CYLC2: variants seen among roughly 807,000 people sequenced by gnomAD.
CYLC2 encodes cylicin 2, also known as cylicin-2.
A neutral mutation model predicts 26.1 loss-of-function variants in CYLC2; 30 were observed. The observed-to-expected ratio is 1.15, with a 90% CI of 0.86 to 1.56. The LOEUF is 1.56. CYLC2 is among the 40% of genes most tolerant of loss of function. The pLI, the probability that CYLC2 is intolerant of heterozygous loss-of-function variation, is 0.00. For synonymous variants in CYLC2, 158 were observed against 132.8 expected (o/e 1.19, Z -1.31); for missense variants, 498 against 394.4 (o/e 1.26, Z -2.23).
rs1214771500 is a variant in CYLC2, at chr9:103,005,901, T to G, written c.*223T>G. 1 of 505,344 alleles carries G rather than the reference T, an allele frequency of 2.0e-6. No homozygotes were observed. The highest frequency in any genetic ancestry group is 3.1e-5 in the East Asian group (1 of 32,406). The allele number at this position is 505,344 out of a possible 1,614,324, so 31.3% of individuals were successfully genotyped here. On this transcript the variant is annotated 3_prime_UTR_variant, in exon 5 of 8. Transcript: ENST00000374798. ...TTAAGGGGGGATCCATTGAAAGACTTGAAGAATACATATACTTATATTCGG... is the reference window on the plus strand; with the variant it reads ...TTAAGGGGGGATCCATTGAAAGACTGGAAGAATACATATACTTATATTCGG...
In CYLC2 at chr9:103,005,782, A is replaced by C. The variant is rs1564098230; in HGVS notation, c.*104A>C. On this transcript the variant is annotated 3_prime_UTR_variant, in exon 5 of 8. Coordinates refer to ENST00000374798, the MANE Select transcript of CYLC2 (RefSeq NM_001340.5). ...TTTGTGAGAAAACAAGAGGCCTCAA[A>C]GAATTAAATAATTTTTAAAAGGTGG... 6 of 1,229,626 alleles carry C rather than the reference A, an allele frequency of 4.9e-6. No individual in the cohort carries two copies. The Admixed American group carries it at 1.4e-4, about 28-fold the overall frequency. 76.2% of individuals were successfully genotyped at this position (1,229,626 alleles called of 1,614,324 possible). A position where few individuals can be genotyped will look rare whatever the true frequency, so the allele number is the denominator to read the frequency against.
chr9:103,013,487 C>T (rs10990435), intron 6 of CYLC2, among the ~76,000 whole-genome samples: 91,946 of 107,460 alleles, frequency 0.86, 39,461 homozygotes, highest in East Asian at 1. Context: ...ATATATTTAA[C>T]ATATTACATA....
chr9:103,002,924 A>G (rs1829302782), intron 2 of CYLC2, among the ~76,000 whole-genome samples: 1 of 152,194 alleles, frequency 6.6e-6, no homozygotes, highest in Non-Finnish European at 1.5e-5. Context: ...TGCAATGACT[A>G]CTTTATACAG....
intron 1 of CYLC2, among the ~76,000 whole-genome samples, chr9:103,000,448 G>C (rs1489018219): frequency 2.0e-5 from 3 of 151,888 alleles, no homozygotes; most frequent in African/African-American, 7.2e-5. Flanking sequence ...TCATTGTTGG[G>C]TATCAACATT....
Position 103,005,527 on chromosome 9 carries a change from A to T in CYLC2, c.896A>T (p.Asp299Val), listed in dbSNP as rs767233678. 6.2e-7 allele frequency: 1 copy of T among 1,611,792 alleles called. No homozygotes were observed. Among genetic ancestry groups the T allele is most frequent in the South Asian group, 1.1e-5 (1 of 90,878 alleles). Reference sequence around the variant, plus strand: ...GAGTCTAAGAAGGACGCCACGAAAGATGCCAAGAAAGTTGCCAAGAAAGAT... The same window carrying T: ...GAGTCTAAGAAGGACGCCACGAAAGTTGCCAAGAAAGTTGCCAAGAAAGAT... ...KKESKKDATKDAKKVAKKDTE... is the reference protein window; with the variant it reads ...KKESKKDATKVAKKVAKKDTE... Residue 299 changes from aspartate to valine, a missense_variant, in exon 5 of 8, where the codon GAT becomes GTT. Transcript: ENST00000374798.
chr9:103,001,834 T>C (rs10760932), intron 2 of CYLC2, among the ~76,000 whole-genome samples: 59,077 of 151,920 alleles, frequency 0.39, 12,397 homozygotes, highest in South Asian at 0.53. Flanking sequence ...ATGCTCAGTA[T>C]ATGAAAGCCG....
chr9:102,996,588 CTTT>C (rs1465640448), intron 1 of CYLC2, among the ~76,000 whole-genome samples: 1 of 151,500 alleles, frequency 6.6e-6, no homozygotes, highest in African/African-American at 2.4e-5. Context: ...TAGCATATTT[CTTT>C]GAGTTCAAGT....
At chr9:103,008,326 C>A (rs544622423) in intron 5 of CYLC2, among the ~76,000 whole-genome samples, 14 of 152,108 alleles carry the variant, frequency 9.2e-5, no homozygotes, top group African/African-American at 3.4e-4. Context: ...CCTTTTATTC[C>A]AGTACCTCTT....
chr9:103,008,038 G>A (rs1346483813), intron 5 of CYLC2, among the ~76,000 whole-genome samples: 1 of 150,602 alleles, frequency 6.6e-6, no homozygotes, highest in Non-Finnish European at 1.5e-5. Flanking sequence ...CTAGGAACCT[G>A]CTCATCATCT....
In CYLC2 at chr9:102,998,099, A is replaced by G. The variant is rs78723323; in HGVS notation, c.17+2702A>G. Among the ~76,000 whole-genome samples, 1,438 of 152,062 alleles carry G rather than the reference A, an allele frequency of 9.5e-3. 62 individuals are homozygous for G. In the East Asian group the frequency reaches 0.16, roughly 17 times the overall value. On this transcript the variant is annotated intron_variant, in intron 1 of 7. Coordinates refer to ENST00000374798, the MANE Select transcript of CYLC2 (RefSeq NM_001340.5). ...ATGATTTTGAAGTGACTGAATATAT[A>G]AGCTTGAAGTGAAGGTGGAATTTTA...
chr9:103,003,002 C>A (rs1829303555), intron 2 of CYLC2, 140 bp from the exon 3 acceptor site: 1 of 995,308 alleles, frequency 1.0e-6, no homozygotes, highest in South Asian at 1.9e-5. Flanking sequence ...CAGAAAATTG[C>A]AAACATTACC....
Position 103,003,216 on chromosome 9 carries a change from AC to A in CYLC2, c.135del (p.Arg47GlyfsTer15). ...LLFPKPQRPG[T>X]KRRSKPSQIR... ...ATTTCCCAAACCACAACGGCCAGGAACCAAAAGGAGATCAAAACCTTCTCAA... is the reference window on the plus strand; with the variant it reads ...ATTTCCCAAACCACAACGGCCAGGAACAAAAGGAGATCAAAACCTTCTCAA... On this transcript the variant is annotated frameshift_variant, in exon 3 of 8. Coordinates refer to ENST00000374798, the MANE Select transcript of CYLC2 (RefSeq NM_001340.5). LOFTEE classifies it high-confidence loss of function. 6 of 1,613,902 alleles carry A rather than the reference AC, an allele frequency of 3.7e-6. No homozygotes were observed. The highest frequency in any genetic ancestry group is 3.4e-6 in the Non-Finnish European group (4 of 1,179,892).
chr9:103,005,945 G>A lies in CYLC2; in HGVS notation c.*267G>A, dbSNP rs12057090. The A allele has an allele frequency of 0.014, 4,757 of 340,942 alleles. 252 individuals are homozygous for A. The East Asian group carries it at 0.15, about 10-fold the overall frequency. 21.1% of individuals were successfully genotyped at this position (340,942 alleles called of 1,614,324 possible). A position where few individuals can be genotyped will look rare whatever the true frequency, so the allele number is the denominator to read the frequency against. Reference sequence around the variant, plus strand: ...TATTCGGGGATATGAAGGATTCAATGAATGATCTCTAGAAAGATTTAAAGA... The same window carrying A: ...TATTCGGGGATATGAAGGATTCAATAAATGATCTCTAGAAAGATTTAAAGA... On this transcript the variant is annotated 3_prime_UTR_variant, in exon 5 of 8. Transcript: ENST00000374798.
At chr9:103,003,295 T>C in intron 3 of CYLC2, 32 bp downstream of exon 3, 2 of 1,547,414 alleles carry the variant, frequency 1.3e-6, no homozygotes, top group Non-Finnish European at 1.8e-6. Flanking sequence ...TAATTATCAG[T>C]AATAAGTAAT....
At chr9:103,017,480 G>T (rs1829519347) in intron 7 of CYLC2, among the ~76,000 whole-genome samples, 1 of 151,886 alleles carries the variant, frequency 6.6e-6, no homozygotes, top group South Asian at 2.1e-4. Flanking sequence ...TGAATAAATT[G>T]ATCTGAAATA....
At chr9:103,000,855 T>A (rs115005033) in intron 1 of CYLC2, among the ~76,000 whole-genome samples, 1 of 152,194 alleles carries the variant, frequency 6.6e-6, no homozygotes, top group East Asian at 1.9e-4. Flanking sequence ...GATCTTAGGA[T>A]TGGTCTCCAT....
At position 103,005,495 on chromosome 9, in the gene CYLC2, CAAGA is replaced by C. The variant is rs1829335679; in HGVS notation, c.869_872del (p.Lys290SerfsTer65). The C allele has an allele frequency of 1.2e-6, 2 of 1,613,322 alleles. No homozygotes were observed. The highest frequency in any genetic ancestry group is 1.7e-5 in the Admixed American group (1 of 59,890). ...CAGACAGTGACTCAAAGGATGATGT[CAAGA>C]AAGAGTCTAAGAAGGACGCCACGAA... On this transcript the variant is annotated frameshift_variant, in exon 5 of 8. Transcript: ENST00000374798. LOFTEE classifies it low-confidence loss of function (END_TRUNC).
At chr9:103,013,619 A>T (rs1297944926) in intron 6 of CYLC2, among the ~76,000 whole-genome samples, 2 of 109,400 alleles carry the variant, frequency 1.8e-5, no homozygotes, top group Non-Finnish European at 3.2e-5. Flanking sequence ...TTTATATATA[A>T]TATGTTATAT....
At chr9:103,011,402 C>T (rs934917893) in intron 5 of CYLC2, among the ~76,000 whole-genome samples, 1 of 152,050 alleles carries the variant, frequency 6.6e-6, no homozygotes, top group Non-Finnish European at 1.5e-5. Flanking sequence ...TGTCACATAG[C>T]TTTGATGGCT....
Sources: allele counts gnomAD v4.1 joint callset (sites outside exome capture counted in the v4.1 genomes callset), GRCh38; gene constraint gnomAD v4.1.1; transcripts MANE v1.5; gene names NCBI Gene and HGNC (gene_info 2026-07-23, HGNC 2026-07-21).